Variants in CDH22 observed in about 807,000 individuals in gnomAD.
The protein encoded by CDH22 is cadherin 22, also known as cadherin-22.
CDH22 carries 30 observed loss-of-function variants against 58.4 expected under a neutral mutation model. The observed-to-expected ratio is 0.51, with a 90% confidence interval of 0.38 to 0.70. The LOEUF is 0.70. Among genes scored for constraint, CDH22 ranks in the 30% least tolerant of loss-of-function variants. The pLI is 0.00. For missense variants in CDH22, 1,014 were observed against 1,233.9 expected (o/e 0.82, Z 2.67); for synonymous variants, 513 against 558.2 (o/e 0.92, Z 1.14).
intron 1 of CDH22, among the ~76,000 whole-genome samples, chr20:46,284,859 G>A (rs117064417): frequency 1.3e-5 from 2 of 152,298 alleles, no homozygotes; most frequent in East Asian, 3.9e-4. Flanking sequence ...CCGAGATAGT[G>A]CAGCTTTACT....
chr20:46,275,464 T>C (rs1600724133), intron 1 of CDH22, among the ~76,000 whole-genome samples: 1 of 152,332 alleles, frequency 6.6e-6, no homozygotes, highest in East Asian at 1.9e-4. Flanking sequence ...TTACTTTCCA[T>C]AGCTCTTATC....
intron 1 of CDH22, among the ~76,000 whole-genome samples, chr20:46,257,012 GAA>G (rs35160313): frequency 7.3e-6 from 1 of 136,228 alleles, no homozygotes; most frequent in Non-Finnish European, 1.6e-5. Context: ...GTCTCTAAAA[GAA>G]AAAAAAAAAA....
chr20:46,212,534 A>C (rs2086050688), intron 6 of CDH22, among the ~76,000 whole-genome samples: 1 of 152,226 alleles, frequency 6.6e-6, no homozygotes, highest in African/African-American at 2.4e-5. Context: ...AGAGCTTTGG[A>C]GTCACTAGAC....
rs909595909 is a variant in CDH22 at position 46,204,288 on chromosome 20, T to C, written c.1287-4729A>G. 4.0e-5 allele frequency among the ~76,000 whole-genome samples: 6 copies of C among 149,418 alleles called. No individual in the cohort carries two copies. The Admixed American group carries it at 4.1e-4, about 10-fold the overall frequency. ...ATGTGCCTGTAATCCCAGCTACTCA[T>C]GAGGCTGAGGCAGGAGAATTGCATG... On this transcript the variant is annotated intron_variant, in intron 7 of 11. Transcript: ENST00000537909.
chr20:46,186,524 A>G lies in CDH22; in HGVS notation c.1663+64T>C, dbSNP rs2085826034. ...GGGCGCCTCCGTCCCTCTGTCTATA[A>G]TATGGGAACAGGGCAGGGAGACTGT... On this transcript the variant is annotated intron_variant, in intron 10 of 11. Coordinates refer to ENST00000537909, the MANE Select transcript of CDH22 (RefSeq NM_021248.3). 13 of 1,196,052 alleles carry G rather than the reference A, an allele frequency of 1.1e-5. 1 individual carries two copies. The highest frequency in any genetic ancestry group is 2.9e-4 in the Middle Eastern group (1 of 3,492). 74.1% of individuals were successfully genotyped at this position (1,196,052 alleles called of 1,614,324 possible).
intron 1 of CDH22, among the ~76,000 whole-genome samples, chr20:46,299,335 G>A (rs1014861431): frequency 2.0e-5 from 3 of 152,128 alleles, no homozygotes; most frequent in South Asian, 2.1e-4. Flanking sequence ...CCTCCCCCAC[G>A]AAGCCTCCCC....
At chr20:46,265,945 T>TACACAC (rs10536307) in intron 1 of CDH22, among the ~76,000 whole-genome samples, 57 of 148,136 alleles carry the variant, frequency 3.8e-4, no homozygotes, top group African/African-American at 1.2e-3. Context: ...TTCACACAGA[T>TACACAC]ACACACACAC....
chr20:46,305,350 A>C (rs2086669994), intron 1 of CDH22, among the ~76,000 whole-genome samples: 1 of 152,240 alleles, frequency 6.6e-6, no homozygotes, highest in African/African-American at 2.4e-5. Flanking sequence ...TCCATCTTAA[A>C]GGTGCTTTGA....
At chr20:46,187,438 C>CA (rs1318927900) in intron 8 of CDH22, among the ~76,000 whole-genome samples, 13 of 152,214 alleles carry the variant, frequency 8.5e-5, no homozygotes, top group African/African-American at 3.1e-4. Context: ...CCATCACCAC[C>CA]ATCACCATCA....
intron 1 of CDH22, among the ~76,000 whole-genome samples, chr20:46,289,410 G>A (rs1304616885): frequency 1.3e-5 from 2 of 152,184 alleles, no homozygotes; most frequent in African/African-American, 4.8e-5. Flanking sequence ...TTTTAGGGGT[G>A]TTGTCTTTTT....
intron 3 of CDH22, among the ~76,000 whole-genome samples, chr20:46,233,027 G>C (rs2086230086): frequency 6.6e-6 from 1 of 152,228 alleles, no homozygotes; most frequent in Non-Finnish European, 1.5e-5. Flanking sequence ...GAGACAGACA[G>C]AAAGCAGTAG....
chr20:46,205,314 A>G (rs1225873187), intron 7 of CDH22, among the ~76,000 whole-genome samples: 2 of 151,956 alleles, frequency 1.3e-5, no homozygotes, highest in Non-Finnish European at 2.9e-5. Flanking sequence ...CAACCCTGAG[A>G]GCACCAGGCA....
intron 1 of CDH22, among the ~76,000 whole-genome samples, chr20:46,268,466 G>A (rs965272753): frequency 2.0e-5 from 3 of 152,248 alleles, no homozygotes; most frequent in African/African-American, 4.8e-5. Context: ...CTGGGGAGGC[G>A]TGGGCCTCCT....
intron 3 of CDH22, among the ~76,000 whole-genome samples, chr20:46,228,061 G>A (rs1436798485): frequency 6.6e-6 from 1 of 152,178 alleles, no homozygotes; most frequent in African/African-American, 2.4e-5. Flanking sequence ...CAGTCAGTTG[G>A]AGCCAGGACT....
chr20:46,174,539 G>T lies in CDH22; in HGVS notation c.2454C>A (p.Gly818=). ...CCTGGGCCTCGTCGTCCCCGCGGTG[G>T]CCGGCGTAGAGCGCGGCCAGGGGCC... ...RFRPLAALYA[G]HRGDDEAQAS The change falls in exon 12 of 12, where the codon GGC becomes GGA. Residue 818 remains glycine, a synonymous_variant. Coordinates refer to ENST00000537909, the MANE Select transcript of CDH22 (RefSeq NM_021248.3). This position sits in a 1 kb window ranked among gnomAD's most constrained non-coding sequence, Gnocchi z 4.4. 1.3e-6 allele frequency: 2 copies of T among 1,521,228 alleles called. No homozygotes were observed. Among genetic ancestry groups the T allele is most frequent in the Middle Eastern group, 2.0e-4 (1 of 5,064 alleles). The allele number at this position is 1,521,228 out of a possible 1,614,324, so 94.2% of individuals were successfully genotyped here. A position where few individuals can be genotyped will look rare whatever the true frequency, so the allele number is the denominator to read the frequency against.
intron 10 of CDH22, among the ~76,000 whole-genome samples, chr20:46,181,736 C>CT (rs2085786977): frequency 4.1e-5 from 2 of 48,966 alleles, no homozygotes; most frequent in Non-Finnish European, 8.9e-5. Context: ...TCCTTCCTTC[C>CT]TTCCTTCCTT....
intron 4 of CDH22, among the ~76,000 whole-genome samples, chr20:46,222,612 C>T (rs530215123): frequency 6.6e-6 from 1 of 152,340 alleles, no homozygotes; most frequent in South Asian, 2.1e-4. Flanking sequence ...GGCCTCAGCT[C>T]CCGCAGCCTT....
intron 1 of CDH22, among the ~76,000 whole-genome samples, chr20:46,265,249 C>T (rs1172938624): frequency 6.6e-6 from 1 of 152,126 alleles, no homozygotes; most frequent in African/African-American, 2.4e-5. Flanking sequence ...ATGGTGCCAG[C>T]CAAGCAGAGT....
At chr20:46,254,343 T>G (rs1040123709) in intron 1 of CDH22, among the ~76,000 whole-genome samples, 1 of 151,936 alleles carries the variant, frequency 6.6e-6, no homozygotes, top group Non-Finnish European at 1.5e-5. Context: ...TCACTTTAGG[T>G]CAGGAGTTCG....
Sources: allele counts gnomAD v4.1 joint callset (sites outside exome capture counted in the v4.1 genomes callset), GRCh38; gene constraint gnomAD v4.1.1; non-coding constraint Gnocchi (gnomAD v3.1); transcripts MANE v1.5; gene names NCBI Gene and HGNC (gene_info 2026-07-23, HGNC 2026-07-21).